The following SKOR2 variants were observed in gnomAD, a reference collection of about 807,000 sequenced individuals.
The protein encoded by SKOR2 is LBX1 corepressor 1-like protein.
Under a neutral mutation model 69.1 loss-of-function variants are expected in SKOR2, and 47 were observed. That is an observed-to-expected ratio of 0.68 (90% CI 0.54 to 0.87). The LOEUF (loss-of-function observed/expected upper bound fraction) is 0.87, where lower values mean the gene tolerates loss of function less well. Among genes scored for constraint, SKOR2 ranks in the 40% least tolerant of loss-of-function variants. The pLI is 0.00. For synonymous variants in SKOR2, 717 were observed against 672.6 expected, an observed-to-expected ratio of 1.07 and a Z score of -1.02; for missense variants, 1,404 against 1,472.2, an observed-to-expected ratio of 0.95 and a Z score of 0.76.
chr18:47,234,518 A>G (rs1050483205), intron 4 of SKOR2: 5 of 152,084 alleles, frequency 3.3e-5, no homozygotes, highest in Non-Finnish European at 7.3e-5. Context: ...TATTGTTCCA[A>G]TTTTAGTATA....
chr18:47,241,656 C>T (rs889308315), intron 4 of SKOR2, among the ~76,000 whole-genome samples: 3 of 151,792 alleles, frequency 2.0e-5, no homozygotes, highest in African/African-American at 4.8e-5. Context: ...AAACCCATAA[C>T]GATGAAGTTC....
rs1356261880 is a variant in SKOR2, at chr18:47,248,614, G to C, written c.570C>G (p.Ser190=). The C allele has an allele frequency of 1.9e-6, 3 of 1,547,352 alleles. No individual in the cohort carries two copies. The Admixed American group carries it at 5.8e-5, about 30-fold the overall frequency. Reference sequence around the variant, plus strand: ...TGTACTTGGCGTCGGGCGTGCGGTGGGAGTGGAAAATGAACTTGTTGGGCG... The same window carrying C: ...TGTACTTGGCGTCGGGCGTGCGGTGCGAGTGGAAAATGAACTTGTTGGGCG... ...YFSPNKFIFH[S]HRTPDAKYTQ... Residue 190 remains serine, a synonymous_variant, in exon 2 of 9, where the codon TCC becomes TCG. Coordinates refer to ENST00000425639, the MANE Select transcript of SKOR2 (RefSeq NM_001278063.4). This position sits in a 1 kb window ranked among gnomAD's most constrained non-coding sequence, Gnocchi z 6.4.
intron 4 of SKOR2, among the ~76,000 whole-genome samples, chr18:47,235,780 CAA>C (rs11433396): frequency 0.025 from 1,461 of 59,246 alleles, 22 homozygotes; most frequent in African/African-American, 0.072. Context: ...CACAAACAAG[CAA>C]AAAAAAAAAA....
At chr18:47,227,123 G>A (rs942616831) in intron 6 of SKOR2, among the ~76,000 whole-genome samples, 2 of 152,004 alleles carry the variant, frequency 1.3e-5, no homozygotes, top group Non-Finnish European at 2.9e-5. Flanking sequence ...CTCCCCAAAT[G>A]TGGAGACTTG....
rs2064284906 is a variant in SKOR2 at position 47,247,474 on chromosome 18, G to C, written c.1710C>G (p.Ser570Arg). Residue 570 changes from serine to arginine, a missense_variant, in exon 2 of 9, where the codon AGC (serine) becomes AGG (arginine). By Grantham distance (110) the Ser-to-Arg change is moderately radical (BLOSUM62 -1). Coordinates refer to ENST00000425639, the MANE Select transcript of SKOR2 (RefSeq NM_001278063.4). The surrounding 1 kb of genome is among the most constrained non-coding windows in gnomAD (Gnocchi z 6.6). ...SPPGGSGGDC[S>R]AGSTPPADSV... Reference sequence around the variant, plus strand: ...AGTCCGCGGGCGGCGTGGAGCCCGCGCTGCAGTCCCCGCCGCTGCCGCCCG... The same window carrying C: ...AGTCCGCGGGCGGCGTGGAGCCCGCCCTGCAGTCCCCGCCGCTGCCGCCCG... 5 of 1,216,926 alleles carry C rather than the reference G, an allele frequency of 4.1e-6. No homozygotes were observed. Among genetic ancestry groups the C allele is most frequent in the Non-Finnish European group, 5.1e-6 (5 of 979,452 alleles). 75.4% of individuals were successfully genotyped at this position (1,216,926 alleles called of 1,614,324 possible).
At chr18:47,231,030 G>T (rs1473721437) in intron 4 of SKOR2, 30 bp from the exon 5 acceptor site, 2 of 1,535,332 alleles carry the variant, frequency 1.3e-6, no homozygotes, top group Non-Finnish European at 1.7e-6. Flanking sequence ...AATACTATTA[G>T]TTTTGTGTAG....
In SKOR2 at chr18:47,247,220, T is replaced by C; in HGVS notation, c.1964A>G (p.His655Arg). The change falls in exon 2 of 9, where the codon CAC (histidine) becomes CGC (arginine). Residue 655 changes from histidine to arginine, a missense_variant. By Grantham distance (29) the His-to-Arg change is conservative. This residue lies in a region of SKOR2 where 1,266 missense variants were observed against 1,309.9 expected (regional missense o/e 0.97). Coordinates refer to ENST00000425639, the MANE Select transcript of SKOR2 (RefSeq NM_001278063.4). The surrounding 1 kb of genome is among the most constrained non-coding windows in gnomAD (Gnocchi z 6.6). Reference sequence around the variant, plus strand: ...GTGGTGGTGAGGGTGGTGATGGTGGTGGGGATGCGTCTGGGCCGAGTGGGG... The same window carrying C: ...GTGGTGGTGAGGGTGGTGATGGTGGCGGGGATGCGTCTGGGCCGAGTGGGG... ...GAPHSAQTHP[H>R]HHHHPHHHHH... The C allele has an allele frequency of 2.8e-6, 4 of 1,437,840 alleles. No individual in the cohort carries two copies. In the South Asian group the frequency reaches 5.5e-5, roughly 20 times the overall value. The allele number at this position is 1,437,840 out of a possible 1,614,324, so 89.1% of individuals were successfully genotyped here.
intron 4 of SKOR2, among the ~76,000 whole-genome samples, chr18:47,238,897 T>TGTC (rs777033910): frequency 1.3e-5 from 2 of 152,268 alleles, no homozygotes; most frequent in Non-Finnish European, 2.9e-5. Context: ...GCTGAGGCTC[T>TGTC]GTCCTCCTGT....
chr18:47,221,106 C>T (rs2064159827), intron 6 of SKOR2, among the ~76,000 whole-genome samples: 1 of 152,172 alleles, frequency 6.6e-6, no homozygotes. Flanking sequence ...ATAGTAAATC[C>T]TTTACCACTC....
intron 7 of SKOR2, among the ~76,000 whole-genome samples, chr18:47,215,389 T>C (rs1394999478): frequency 6.6e-6 from 1 of 152,140 alleles, no homozygotes; most frequent in African/African-American, 2.4e-5. Flanking sequence ...GTAAGACATA[T>C]TTTTACAAAC....
At position 47,249,094 on chromosome 18, in the gene SKOR2, C is replaced by T; in HGVS notation, c.90G>A (p.Arg30=). ...TGGGTTTGAGGTTGGCGTGCCCTGG[C>T]CGCGGCTGGCTCAGCGTGTCGGGCT... The part of the protein sequence containing the change: ...AFQPDTLSQP[R]PGHANLKPNQ... Residue 30 remains arginine, a synonymous_variant, in exon 2 of 9, where the codon CGG becomes CGA. Coordinates refer to ENST00000425639, the MANE Select transcript of SKOR2 (RefSeq NM_001278063.4). The T allele has an allele frequency of 6.5e-7, 1 of 1,536,286 alleles. No individual in the cohort carries two copies. The highest frequency in any genetic ancestry group is 8.7e-7 in the Non-Finnish European group (1 of 1,146,910).
chr18:47,242,771 G>A (rs117502844), intron 4 of SKOR2, among the ~76,000 whole-genome samples: 4 of 151,920 alleles, frequency 2.6e-5, no homozygotes, highest in Admixed American at 6.6e-5. Context: ...ACCAATAGCC[G>A]ACTCCAAGGT....
chr18:47,226,758 A>G (rs1432844594), intron 6 of SKOR2, among the ~76,000 whole-genome samples: 1 of 152,238 alleles, frequency 6.6e-6, no homozygotes, highest in African/African-American at 2.4e-5. Context: ...AATAGTAATT[A>G]CTATTCATTT....
chr18:47,209,761 G>C (rs542051472), intron 8 of SKOR2, among the ~76,000 whole-genome samples: 1 of 152,264 alleles, frequency 6.6e-6, no homozygotes, highest in African/African-American at 2.4e-5. Flanking sequence ...TTGGGGAAGT[G>C]TAAGGAGTAA....
At chr18:47,211,976 A>T (rs773936478) in intron 8 of SKOR2, 110 bp downstream of exon 8, 59 of 1,016,044 alleles carry the variant, frequency 5.8e-5, no homozygotes, top group Non-Finnish European at 7.2e-5. Flanking sequence ...CAAACACAGG[A>T]TGCAACTTTA....
intron 5 of SKOR2, 121 bp downstream of exon 5, chr18:47,230,814 T>C: frequency 3.2e-6 from 3 of 945,872 alleles, no homozygotes; most frequent in East Asian, 2.6e-5. Flanking sequence ...CAATGGTCCA[T>C]ATATTATTCA....
chr18:47,210,461 AC>A (rs2064124698), intron 8 of SKOR2, among the ~76,000 whole-genome samples: 1 of 152,318 alleles, frequency 6.6e-6, no homozygotes, highest in Non-Finnish European at 1.5e-5. Flanking sequence ...ATTTTTAAAA[AC>A]ATCCTAATAT....
intron 6 of SKOR2, among the ~76,000 whole-genome samples, chr18:47,221,903 C>A (rs892891982): frequency 6.6e-6 from 1 of 152,198 alleles, no homozygotes; most frequent in Non-Finnish European, 1.5e-5. Context: ...AATTATCCAC[C>A]AGCAGGTTGA....
chr18:47,216,927 C>T (rs1378758965), intron 7 of SKOR2, among the ~76,000 whole-genome samples: 7 of 152,078 alleles, frequency 4.6e-5, no homozygotes, highest in Admixed American at 6.6e-5. Context: ...TAAGATCATC[C>T]AACTAAAATA....
Sources: gnomAD v4.1 joint callset for allele counts (sites outside exome capture counted in the v4.1 genomes callset) on GRCh38, gnomAD v4.1.1 for gene constraint, gnomAD v4.1.1 regional missense constraint, Gnocchi (gnomAD v3.1) non-coding constraint, MANE v1.5 for transcripts, NCBI Gene and HGNC (gene_info 2026-07-23, HGNC 2026-07-21) for gene names.